The following CHD2 variants were observed in gnomAD, a reference collection of about 807,000 sequenced individuals.
CHD2 encodes ATP-dependent chromatin remodeler CHD2.
CHD2 carries 28 observed loss-of-function variants against 243.9 expected under a neutral mutation model. That is an observed-to-expected ratio of 0.11 (90% CI 0.09 to 0.16). The LOEUF (loss-of-function observed/expected upper bound fraction) is 0.16, where lower values mean the gene tolerates loss of function less well. CHD2 is among the 10% of genes least tolerant of loss of function. The pLI, the probability that CHD2 is intolerant of heterozygous loss-of-function variation, is 1.00. For synonymous variants in CHD2, 775 were observed against 779.0 expected (o/e 0.99, Z 0.09); for missense variants, 1,386 against 2,209.8 (o/e 0.63, Z 7.47).
At chr15:92,972,971 G>T (rs2053862084) in intron 19 of CHD2, among the ~76,000 whole-genome samples, 1 of 152,138 alleles carries the variant, frequency 6.6e-6, no homozygotes, top group Non-Finnish European at 1.5e-5. Context: ...GGGTGGGGAG[G>T]ATTAGAGAAA....
chr15:92,982,112 G>C (rs2053987468), intron 24 of CHD2, among the ~76,000 whole-genome samples: 1 of 152,190 alleles, frequency 6.6e-6, no homozygotes, highest in Non-Finnish European at 1.5e-5. Context: ...CTTGAGTATA[G>C]GGAGATATTG....
chr15:92,997,508 A>T lies in CHD2; in HGVS notation c.3885+105A>T. The T allele has an allele frequency of 1.0e-6, 1 of 1,002,058 alleles. No individual in the cohort carries two copies. The highest frequency in any genetic ancestry group is 2.8e-5 in the East Asian group (1 of 35,692). 62.1% of individuals were successfully genotyped at this position (1,002,058 alleles called of 1,614,324 possible). On this transcript the variant is annotated intron_variant, in intron 30 of 38. Coordinates refer to ENST00000394196, the MANE Select transcript of CHD2 (RefSeq NM_001271.4). This position sits in a 1 kb window ranked among gnomAD's most constrained non-coding sequence, Gnocchi z 4.1. The stretch of plus-strand genomic sequence containing the variant: ...TTTTCGAGGGGGCATCAAATTAGAA[A>T]TTAGTATAGTCATTCTTGGAAATAC...
At chr15:92,931,319 C>G (rs769528232) in intron 5 of CHD2, among the ~76,000 whole-genome samples, 1 of 152,132 alleles carries the variant, frequency 6.6e-6, no homozygotes, top group Non-Finnish European at 1.5e-5. Flanking sequence ...AAGTGCAGTA[C>G]AAAGGACACC....
In CHD2 at chr15:92,975,184, G is replaced by T. The variant is rs535367422; in HGVS notation, c.2577+234G>T. 3.3e-5 allele frequency among the ~76,000 whole-genome samples: 5 copies of T among 152,246 alleles called. No individual in the cohort carries two copies. The South Asian group carries it at 1.0e-3, about 32-fold the overall frequency. Reference sequence around the variant, plus strand: ...GGTTGACAACAGAGTGGTTCTCCTGGTAGCTTCCAGATACCAAATCCTTGG... The same window carrying T: ...GGTTGACAACAGAGTGGTTCTCCTGTTAGCTTCCAGATACCAAATCCTTGG... On this transcript the variant is annotated intron_variant, in intron 20 of 38. Coordinates refer to ENST00000394196, the MANE Select transcript of CHD2 (RefSeq NM_001271.4).
At chr15:92,904,976 TTC>T (rs1271026888) in intron 2 of CHD2, 2 of 1,536,112 alleles carry the variant, frequency 1.3e-6, no homozygotes, top group Admixed American at 3.9e-5. Flanking sequence ...ACCGTACATT[TTC>T]TCAGTTGGCA....
intron 5 of CHD2, among the ~76,000 whole-genome samples, chr15:92,934,432 C>A (rs1230042031): frequency 2.6e-5 from 4 of 151,996 alleles, no homozygotes; most frequent in African/African-American, 9.7e-5. Context: ...CTAGGGGGGA[C>A]TCTGTTAATG....
chr15:92,936,777 T>A (rs1406313933), intron 5 of CHD2, among the ~76,000 whole-genome samples: 1 of 152,108 alleles, frequency 6.6e-6, no homozygotes, highest in Non-Finnish European at 1.5e-5. Flanking sequence ...TTGAAATTCA[T>A]ATTTTTTAGG....
At chr15:93,023,193 C>G (rs72765622) in intron 38 of CHD2, among the ~76,000 whole-genome samples, 8,502 of 152,272 alleles carry the variant, frequency 0.056, 323 homozygotes, top group Middle Eastern at 0.092. Flanking sequence ...TATTCCCTCT[C>G]CCCAGCCTCT....
Position 92,935,485 on chromosome 15 carries a change from G to A in CHD2, c.444-2033G>A, listed in dbSNP as rs559678100. ...ACTTATAGAAGTGGACCTCATTGGT[G>A]GCCCTGGTTTAGGTTCTCAATTCCT... On this transcript the variant is annotated intron_variant, in intron 5 of 38. Transcript: ENST00000394196. Among the ~76,000 whole-genome samples, 7 of 152,282 alleles carry A rather than the reference G, an allele frequency of 4.6e-5. 1 individual carries two copies. The highest frequency in any genetic ancestry group is 1.7e-4 in the African/African-American group (7 of 41,556).
Position 92,946,260 on chromosome 15 carries a change from CT to C in CHD2, c.1377+45del, listed in dbSNP as rs766681991. The C allele has an allele frequency of 4.1e-5, 62 of 1,502,318 alleles. 1 individual carries two copies. The African/African-American group carries it at 7.7e-4, about 19-fold the overall frequency. 93.1% of individuals were successfully genotyped at this position (1,502,318 alleles called of 1,614,324 possible). ...TTTGTTTTTTCAGGGAGAAGATATA[CT>C]GATAAAGAGGATTGGACACATATGT... is the stretch of plus-strand genomic sequence containing the variant. On this transcript the variant is annotated intron_variant, in intron 12 of 38. Transcript: ENST00000394196.
At chr15:92,904,339 A>C in intron 2 of CHD2, 2 of 601,682 alleles carry the variant, frequency 3.3e-6, no homozygotes, top group Non-Finnish European at 4.2e-6. Flanking sequence ...CGCGCCTGGT[A>C]ACAGCAGGGT....
At chr15:92,963,909 A>G (rs1169625319) in intron 16 of CHD2, among the ~76,000 whole-genome samples, 1 of 152,240 alleles carries the variant, frequency 6.6e-6, no homozygotes, top group East Asian at 1.9e-4. Flanking sequence ...ATAGAAAAAG[A>G]ATTGTGGTAT....
rs116564870 is a variant in CHD2, at chr15:92,936,549, C to A, written c.444-969C>A. On this transcript the variant is annotated intron_variant, in intron 5 of 38. Coordinates refer to ENST00000394196, the MANE Select transcript of CHD2 (RefSeq NM_001271.4). ...AGTAGGACGCCTGTAGGTTATGGCT[C>A]TTTCAAGCCTTCTAAGAATTCAAGG... Among the ~76,000 whole-genome samples the A allele has an allele frequency of 4.7e-3, 723 of 152,316 alleles. 6 individuals carry two copies. Among genetic ancestry groups the A allele is most frequent in the African/African-American group, 0.017 (703 of 41,558 alleles).
At chr15:93,004,820 G>C (rs1450217219) in intron 34 of CHD2, 69 bp downstream of exon 34, 1 of 1,517,286 alleles carries the variant, frequency 6.6e-7, no homozygotes, top group Non-Finnish European at 8.9e-7. Flanking sequence ...GCCTTTTATA[G>C]GTCCAGCCAG....
At position 93,024,231 on chromosome 15, in the gene CHD2, T is replaced by C. The variant is rs983856068; in HGVS notation, c.5154-141T>C. 6 of 721,914 alleles carry C rather than the reference T, an allele frequency of 8.3e-6. No individual in the cohort carries two copies. In the African/African-American group the frequency reaches 1.1e-4, roughly 13 times the overall value. The allele number at this position is 721,914 out of a possible 1,614,324, so 44.7% of individuals were successfully genotyped here. ...TGCTAATAAGTGTAAAATGACTCTGTTATTAATTTTTTTGATTCCTAATAA... is the reference window on the plus strand; with the variant it reads ...TGCTAATAAGTGTAAAATGACTCTGCTATTAATTTTTTTGATTCCTAATAA... On this transcript the variant is annotated intron_variant, in intron 38 of 38. Transcript: ENST00000394196.
intron 14 of CHD2, chr15:92,953,930 T>C (rs1596405287): frequency 5.8e-6 from 1 of 172,408 alleles, no homozygotes; most frequent in East Asian, 1.6e-4. Context: ...TCAATAGACA[T>C]ATTACTGAAA....
intron 26 of CHD2, among the ~76,000 whole-genome samples, chr15:92,988,920 A>G (rs543208375): frequency 6.6e-6 from 1 of 151,132 alleles, no homozygotes; most frequent in South Asian, 2.1e-4. Flanking sequence ...GTAAATATTT[A>G]TAATAGCTGA....
intron 2 of CHD2, among the ~76,000 whole-genome samples, chr15:92,903,127 T>C (rs1395513099): frequency 6.6e-6 from 1 of 152,224 alleles, no homozygotes; most frequent in Admixed American, 6.5e-5. Context: ...TTAAATTAGT[T>C]ACCCTAAATT....
intron 9 of CHD2, 108 bp from the exon 10 acceptor site, chr15:92,944,307 A>C: frequency 1.8e-6 from 1 of 558,046 alleles, no homozygotes; most frequent in Middle Eastern, 3.2e-4. Flanking sequence ...TAAGGGGCAG[A>C]TGGGAGTAAA....
Sources: gnomAD v4.1 joint callset for allele counts (sites outside exome capture counted in the v4.1 genomes callset) on GRCh38, gnomAD v4.1.1 for gene constraint, Gnocchi (gnomAD v3.1) non-coding constraint, MANE v1.5 for transcripts, NCBI Gene and HGNC (gene_info 2026-07-23, HGNC 2026-07-21) for gene names.